INO80D: variants seen among roughly 807,000 people sequenced by gnomAD.
INO80D encodes the protein INO80 complex subunit D.
INO80D carries 21 observed loss-of-function variants against 87.6 expected under a neutral mutation model. The ratio of observed to expected loss-of-function variants is 0.24; its 90% CI spans 0.17 to 0.35. The LOEUF (loss-of-function observed/expected upper bound fraction) is 0.35, where lower values mean the gene tolerates loss of function less well. INO80D is among the 10% of genes least tolerant of loss of function. The pLI, the probability that INO80D is intolerant of heterozygous loss-of-function variation, is 1.00. For missense variants in INO80D, 982 were observed against 1,280.7 expected (o/e 0.77, Z 3.56); for synonymous variants, 440 against 491.0 (o/e 0.90, Z 1.37).
In INO80D at chr2:206,005,222, G is replaced by C. The variant is rs1687993457; in HGVS notation, c.2230C>G (p.Pro744Ala). 1.9e-6 allele frequency: 3 copies of C among 1,613,952 alleles called. No homozygotes were observed. In the East Asian group the frequency reaches 6.7e-5, roughly 36 times the overall value. The change falls in exon 11 of 11, where the codon CCA becomes GCA. Residue 744 changes from proline to alanine, a missense_variant. Physicochemically the swap from Pro to Ala is conservative, Grantham distance 27. Transcript: ENST00000403263. ...NLLRSATLSNPPTPLAGQIQG... is the reference protein window; with the variant it reads ...NLLRSATLSNAPTPLAGQIQG... ...ATCTGCCCTGCCAGGGGTGTAGGTG[G>C]GTTTGACAAGGTAGCAGAACGGAGC...
chr2:206,062,867 T>C lies in INO80D; in HGVS notation c.150A>G (p.Gln50=), dbSNP rs1689722663. The change falls in exon 3 of 11, where the codon CAA becomes CAG. Residue 50 remains glutamine (Q), a synonymous_variant. Transcript: ENST00000403263. This position sits in a 1 kb window ranked among gnomAD's most constrained non-coding sequence, Gnocchi z 4.6. ...TGTTATACTTGGCCACATATTCACA[T>C]TGCTTGAAGGGGGCAGTCTTGTCCT... ...VLEDKTAPFK[Q]CEYVAKYNSQ... is the part of the protein sequence containing the mutation. The C allele has an allele frequency of 1.2e-6, 2 of 1,613,024 alleles. No homozygotes were observed. The highest frequency in any genetic ancestry group is 1.1e-5 in the South Asian group (1 of 90,990).
intron 8 of INO80D, among the ~76,000 whole-genome samples, chr2:206,013,469 G>A (rs865839473): frequency 4.0e-5 from 6 of 151,082 alleles, no homozygotes; most frequent in Non-Finnish European, 5.9e-5. Context: ...GAAGAATGGC[G>A]TGAACCCGGG....
At chr2:206,023,835 G>A (rs1035521601) in intron 6 of INO80D, among the ~76,000 whole-genome samples, 1 of 152,078 alleles carries the variant, frequency 6.6e-6, no homozygotes, top group African/African-American at 2.4e-5. Flanking sequence ...CTATAACAGG[G>A]TCCATCTTGC....
At chr2:206,072,362 TG>T (rs1403044511) in intron 1 of INO80D, among the ~76,000 whole-genome samples, 1 of 151,954 alleles carries the variant, frequency 6.6e-6, no homozygotes, top group Non-Finnish European at 1.5e-5. Context: ...GTGCAACCTC[TG>T]CCCCTTGGAT....
Position 205,995,208 on chromosome 2 carries a change from T to C in INO80D, c.*9160A>G, listed in dbSNP as rs1003042526. Reference sequence around the variant, plus strand: ...AATAAACAGTCTGGTCTGTGGAACATCTCCACTTCAGAGAGAGGAAAAATG... The same window carrying C: ...AATAAACAGTCTGGTCTGTGGAACACCTCCACTTCAGAGAGAGGAAAAATG... On this transcript the variant is annotated 3_prime_UTR_variant, in exon 11 of 11. Transcript: ENST00000403263. 6.6e-6 allele frequency: 1 copy of C among 152,130 alleles called. No individual in the cohort carries two copies. The highest frequency in any genetic ancestry group is 2.4e-5 in the African/African-American group (1 of 41,426). The allele number at this position is 152,130 out of a possible 1,614,324, so 9.4% of individuals were successfully genotyped here.
At chr2:206,018,885 A>C (rs1444014206) in intron 7 of INO80D, among the ~76,000 whole-genome samples, 3 of 152,228 alleles carry the variant, frequency 2.0e-5, no homozygotes, top group Non-Finnish European at 4.4e-5. Flanking sequence ...CCGGGGTGAC[A>C]GAGTGAGATC....
chr2:206,052,888 ATTAATTT>A (rs1689412220), intron 4 of INO80D, among the ~76,000 whole-genome samples: 1 of 152,098 alleles, frequency 6.6e-6, no homozygotes, highest in Non-Finnish European at 1.5e-5. Context: ...TGGTTTCCTT[ATTAATTT>A]TTAAGTGTAA....
Position 206,017,683 on chromosome 2 carries a change from T to A in INO80D, c.1539A>T (p.Lys513Asn). ...AAGCCTCTGTTGCAGAACTTACCAT[T>A]TTTTTGGCATGTTCTTCACACAGAG... ...QTPLCEEHAK[K>N]MDNFLRGDNS... Residue 513 changes from lysine to asparagine, a missense_variant, in exon 8 of 11, where the codon AAA becomes AAT. Physicochemically the swap from Lys to Asn is moderately conservative, Grantham distance 94. Coordinates refer to ENST00000403263, the MANE Select transcript of INO80D (RefSeq NM_017759.5). 1 of 1,583,060 alleles carries A rather than the reference T, an allele frequency of 6.3e-7. No homozygotes were observed.
At chr2:206,026,649 A>T (rs994164221) in intron 6 of INO80D, among the ~76,000 whole-genome samples, 2 of 149,386 alleles carry the variant, frequency 1.3e-5, no homozygotes, top group African/African-American at 4.9e-5. Context: ...TATTATATAT[A>T]TTTTATATAT....
rs1687874075 is a variant in INO80D at position 205,999,865 on chromosome 2, G to A, written c.*4503C>T. On this transcript the variant is annotated 3_prime_UTR_variant, in exon 11 of 11. Transcript: ENST00000403263. ...ATAGGAAAATGTATAAAGATGTTAA[G>A]ACATTATTAAACTGTTTTAACTTTT... is the stretch of plus-strand genomic sequence containing the variant. 1 of 152,038 alleles carries A rather than the reference G, an allele frequency of 6.6e-6. No individual in the cohort carries two copies. The highest frequency in any genetic ancestry group is 1.5e-5 in the Non-Finnish European group (1 of 68,000). The allele number at this position is 152,038 out of a possible 1,614,324, so 9.4% of individuals were successfully genotyped here.
At chr2:206,015,551 T>C (rs1054256295) in intron 8 of INO80D, among the ~76,000 whole-genome samples, 2 of 152,156 alleles carry the variant, frequency 1.3e-5, no homozygotes, top group African/African-American at 4.8e-5. Context: ...AAGTCAAGAA[T>C]TGAGGCTTGG....
At chr2:206,040,285 CAAAAAA>C in intron 5 of INO80D, 1 of 76,946 alleles carries the variant, frequency 1.3e-5, no homozygotes, top group Non-Finnish European at 2.5e-5. Flanking sequence ...GACTCTGTCT[CAAAAAA>C]AAAAAAAAAA....
chr2:206,005,606 A>G, intron 10 of INO80D, 73 bp from the exon 11 acceptor site: 1 of 1,170,382 alleles, frequency 8.5e-7, no homozygotes, highest in South Asian at 1.5e-5. Flanking sequence ...ACACATTTGA[A>G]TTATTTTAAA....
intron 1 of INO80D, chr2:206,084,880 T>C (rs1308075660): frequency 6.6e-6 from 1 of 152,256 alleles, no homozygotes; most frequent in Non-Finnish European, 1.5e-5. Context: ...ACCCAGTCAC[T>C]AACTAATAAA....
chr2:206,046,600 G>A lies in INO80D; in HGVS notation c.977C>T (p.Ser326Phe), dbSNP rs1286181978. 6.2e-7 allele frequency: 1 copy of A among 1,612,954 alleles called. No individual in the cohort carries two copies. The highest frequency in any genetic ancestry group is 8.5e-7 in the Non-Finnish European group (1 of 1,179,036). Residue 326 changes from serine (S) to phenylalanine (F), a missense_variant, in exon 5 of 11, where the codon TCT becomes TTT. Coordinates refer to ENST00000403263, the MANE Select transcript of INO80D (RefSeq NM_017759.5). ...CTCTGGTTCCTCTCCGCTCTCTTCA[G>A]ACCAGTCCAAACCTGGGTTAGACAG... is the stretch of plus-strand genomic sequence containing the variant. ...DLFPHLGLDW[S>F]EESGEEPEDS...
Position 206,007,456 on chromosome 2 carries a change from A to G in INO80D, c.1761-15T>C. 1 of 1,598,250 alleles carries G rather than the reference A, an allele frequency of 6.3e-7. No individual in the cohort carries two copies. Among genetic ancestry groups the G allele is most frequent in the South Asian group, 1.1e-5 (1 of 87,848 alleles). Reference sequence around the variant, plus strand: ...TGGATGGGCTCCTGGGAAAGAGGACACTGTTGGTCCCATAACTCCCCCATT... The same window carrying G: ...TGGATGGGCTCCTGGGAAAGAGGACGCTGTTGGTCCCATAACTCCCCCATT... On this transcript the variant is annotated splice_polypyrimidine_tract_variant and intron_variant, in intron 9 of 10. Coordinates refer to ENST00000403263, the MANE Select transcript of INO80D (RefSeq NM_017759.5).
intron 8 of INO80D, among the ~76,000 whole-genome samples, chr2:206,013,551 CAAA>C (rs201436038): frequency 1.6e-5 from 2 of 122,834 alleles, no homozygotes; most frequent in African/African-American, 3.2e-5. Flanking sequence ...GACTCCATCT[CAAA>C]AAAAAAAAAA....
Position 206,056,337 on chromosome 2 carries a change from C to A in INO80D, c.825G>T (p.Val275=). ...PLLPSSRAPT[V]DPPRTDRILM... is the part of the protein sequence containing the mutation. ...GGATCCGGTCAGTCCTGGGTGGGTCCACAGTGGGAGCCCTACTGGATGGCA... is the reference window on the plus strand; with the variant it reads ...GGATCCGGTCAGTCCTGGGTGGGTCAACAGTGGGAGCCCTACTGGATGGCA... Residue 275 remains valine (V), a synonymous_variant, in exon 4 of 11, where the codon GTG becomes GTT. Coordinates refer to ENST00000403263, the MANE Select transcript of INO80D (RefSeq NM_017759.5). The A allele has an allele frequency of 1.2e-6, 2 of 1,613,938 alleles. No homozygotes were observed. The highest frequency in any genetic ancestry group is 8.5e-7 in the Non-Finnish European group (1 of 1,179,878).
At chr2:206,066,615 G>A (rs1324521391) in intron 1 of INO80D, among the ~76,000 whole-genome samples, 4 of 151,952 alleles carry the variant, frequency 2.6e-5, no homozygotes, top group Admixed American at 6.6e-5. Flanking sequence ...AGACCAACAC[G>A]GCCAACATGG....
Sources: gnomAD v4.1 joint callset for allele counts (sites outside exome capture counted in the v4.1 genomes callset) on GRCh38, gnomAD v4.1.1 for gene constraint, Gnocchi (gnomAD v3.1) non-coding constraint, MANE v1.5 for transcripts, NCBI Gene and HGNC (gene_info 2026-07-23, HGNC 2026-07-21) for gene names.